Variants in GCFC2 observed in about 807,000 individuals in gnomAD.
GCFC2 encodes intron Large complex component GCFC2.
Under a neutral mutation model 99.4 loss-of-function variants are expected in GCFC2, and 102 were observed. The ratio of observed to expected loss-of-function variants is 1.03; its 90% CI spans 0.87 to 1.21. GCFC2 has a LOEUF of 1.21. Ranked by LOEUF, GCFC2 falls within the 50% of genes most tolerant of loss-of-function variation. The probability of loss-of-function intolerance (pLI) is 0.00; values close to 1 mark genes in which losing one functional copy is unlikely to be tolerated. For synonymous variants in GCFC2, 338 were observed against 316.8 expected, an observed-to-expected ratio of 1.07 and a Z score of -0.71; for missense variants, 973 against 920.9, an observed-to-expected ratio of 1.06 and a Z score of -0.73.
At position 75,701,252 on chromosome 2, in the gene GCFC2, C is replaced by G; in HGVS notation, c.655G>C (p.Glu219Gln). The stretch of plus-strand genomic sequence containing the variant: ...TCCCAAGTATCTTGCTTTTCATCTT[C>G]CTGACTTTCTTCACTTGTTTCTTCA... Reference protein sequence around the residue: ...RNEETSEESQEDEKQDTWEQQ... With the variant: ...RNEETSEESQQDEKQDTWEQQ... Residue 219 changes from glutamate to glutamine, a missense_variant, in exon 4 of 17, where the codon GAA becomes CAA. Transcript: ENST00000321027. 1.2e-6 allele frequency: 2 copies of G among 1,608,752 alleles called. No homozygotes were observed. The highest frequency in any genetic ancestry group is 1.7e-6 in the Non-Finnish European group (2 of 1,175,162).
chr2:75,710,062 A>G (rs918552303), intron 1 of GCFC2, among the ~76,000 whole-genome samples: 3 of 152,206 alleles, frequency 2.0e-5, no homozygotes, highest in Non-Finnish European at 2.9e-5. Flanking sequence ...AATCTCTATC[A>G]TGCTTCTTTG....
chr2:75,688,298 T>A (rs931748899), intron 10 of GCFC2, among the ~76,000 whole-genome samples: 2 of 152,208 alleles, frequency 1.3e-5, no homozygotes, highest in Non-Finnish European at 2.9e-5. Context: ...TACAAATTTG[T>A]TAGGCACTTG....
intron 15 of GCFC2, among the ~76,000 whole-genome samples, chr2:75,667,579 T>C (rs897774558): frequency 2.0e-5 from 3 of 152,240 alleles, no homozygotes; most frequent in Non-Finnish European, 4.4e-5. Context: ...CTACAAGTTT[T>C]GTTATGTAAA....
At chr2:75,686,302 C>T (rs1017596264) in intron 11 of GCFC2, among the ~76,000 whole-genome samples, 2 of 152,008 alleles carry the variant, frequency 1.3e-5, no homozygotes, top group African/African-American at 4.8e-5. Context: ...GGTTTCACCT[C>T]GTTGCCAAGG....
At chr2:75,680,046 C>G in intron 12 of GCFC2, 147 bp downstream of exon 12, 1 of 596,700 alleles carries the variant, frequency 1.7e-6, no homozygotes, top group Non-Finnish European at 2.7e-6. Context: ...GAGAAAAAGT[C>G]TAGTTTCTAT....
At chr2:75,677,592 T>A (rs1679401593) in intron 12 of GCFC2, among the ~76,000 whole-genome samples, 1 of 152,196 alleles carries the variant, frequency 6.6e-6, no homozygotes, top group African/African-American at 2.4e-5. Flanking sequence ...CAAATGCCAA[T>A]GTAGTGCTGA....
intron 13 of GCFC2, among the ~76,000 whole-genome samples, chr2:75,672,536 G>C (rs1679154221): frequency 6.6e-6 from 1 of 151,684 alleles, no homozygotes; most frequent in South Asian, 2.1e-4. Flanking sequence ...CCTCCATAAA[G>C]CTCCTCCATC....
intron 14 of GCFC2, 51 bp from the exon 15 acceptor site, chr2:75,670,335 T>A: frequency 8.0e-7 from 1 of 1,250,284 alleles, no homozygotes; most frequent in Non-Finnish European, 1.2e-6. Context: ...AGAGAAACTG[T>A]AATAGTCTCT....
Position 75,676,466 on chromosome 2 carries a change from C to CT in GCFC2, c.1813-2947dup, listed in dbSNP as rs111433157. 9.3e-3 allele frequency among the ~76,000 whole-genome samples: 1,379 copies of CT among 147,854 alleles called. 20 individuals carry two copies. The highest frequency in any genetic ancestry group is 0.023 in the African/African-American group (946 of 40,260). The stretch of plus-strand genomic sequence containing the variant: ...TCTAGATTTTAAGATGAATATCATA[C>CT]TTTTTTTTTTTTTACATCTTCTCTT... On this transcript the variant is annotated intron_variant, in intron 12 of 16. Coordinates refer to ENST00000321027, the MANE Select transcript of GCFC2 (RefSeq NM_003203.5).
chr2:75,711,133 C>G, upstream of GCFC2: 1 of 1,243,040 alleles, frequency 8.0e-7, no homozygotes, highest in Non-Finnish European at 1.0e-6. Flanking sequence ...ACGGCCTATC[C>G]GGTCTGAGTC....
chr2:75,690,581 T>C (rs906520293), intron 8 of GCFC2, 57 bp downstream of exon 8: 2 of 789,406 alleles, frequency 2.5e-6, no homozygotes, highest in Non-Finnish European at 4.4e-6. Flanking sequence ...TATATTTCAG[T>C]AGTGAAAAGT....
intron 11 of GCFC2, among the ~76,000 whole-genome samples, chr2:75,681,129 G>A (rs1050188644): frequency 1.3e-5 from 2 of 152,312 alleles, no homozygotes; most frequent in Admixed American, 1.3e-4. Flanking sequence ...CTCAGTGTAA[G>A]GAGGCTGCCA....
At chr2:75,709,649 A>G (rs1364066544) in intron 1 of GCFC2, among the ~76,000 whole-genome samples, 2 of 152,216 alleles carry the variant, frequency 1.3e-5, no homozygotes, top group African/African-American at 2.4e-5. Flanking sequence ...ACTAAAATTA[A>G]TAACAATGCA....
At position 75,663,523 on chromosome 2, in the gene GCFC2, T is replaced by G. The variant is rs1370529733; in HGVS notation, c.*1143A>C. The G allele has an allele frequency of 6.6e-6, 1 of 152,138 alleles. No homozygotes were observed. The highest frequency in any genetic ancestry group is 1.5e-5 in the Non-Finnish European group (1 of 68,012). 9.4% of individuals were successfully genotyped at this position (152,138 alleles called of 1,614,324 possible). On this transcript the variant is annotated 3_prime_UTR_variant, in exon 17 of 17. Coordinates refer to ENST00000321027, the MANE Select transcript of GCFC2 (RefSeq NM_003203.5). The stretch of plus-strand genomic sequence containing the variant: ...ATGACAAAAAAACAAAATAGTAACT[T>G]GCTAATAAGTAATGACTTAATGCTT...
intron 11 of GCFC2, among the ~76,000 whole-genome samples, chr2:75,683,378 AC>A (rs1316870503): frequency 6.6e-6 from 1 of 151,904 alleles, no homozygotes; most frequent in African/African-American, 2.4e-5. Context: ...AAAATCCTTT[AC>A]AGACAAGCAA....
intron 2 of GCFC2, among the ~76,000 whole-genome samples, chr2:75,704,055 C>T (rs181808015): frequency 5.3e-5 from 8 of 152,254 alleles, no homozygotes; most frequent in African/African-American, 1.7e-4. Context: ...TTGCGTTTGT[C>T]CTGTTTCTGC....
chr2:75,684,065 A>G, intron 11 of GCFC2, among the ~76,000 whole-genome samples: 1 of 152,210 alleles, frequency 6.6e-6, no homozygotes, highest in Non-Finnish European at 1.5e-5. Flanking sequence ...TAACAGACAG[A>G]TCAATGAAAC....
chr2:75,665,881 A>C (rs930707203), intron 16 of GCFC2, 48 bp downstream of exon 16: 1 of 1,296,078 alleles, frequency 7.7e-7, no homozygotes, highest in Non-Finnish European at 1.1e-6. Context: ...GAGAGCATAC[A>C]GAATCCATGA....
Position 75,680,300 on chromosome 2 carries a change from G to A in GCFC2, c.1705C>T (p.Leu569Phe), listed in dbSNP as rs1417963915. 2 of 1,609,682 alleles carry A rather than the reference G, an allele frequency of 1.2e-6. No homozygotes were observed. The highest frequency in any genetic ancestry group is 1.7e-6 in the Non-Finnish European group (2 of 1,176,800). The change falls in exon 12 of 17, where the codon CTT becomes TTT. Residue 569 changes from leucine to phenylalanine, a missense_variant. Physicochemically the swap from Leu to Phe is conservative, Grantham distance 22. Transcript: ENST00000321027. ...TGTGAGGTTGACAAAGGATCCCAAA[G>A]GAATTCTACAAAGTCTGAAACAAAT... ...IPRLTDFVEF[L>F]WDPLSTSQTT...
Sources: gnomAD v4.1 joint callset for allele counts (sites outside exome capture counted in the v4.1 genomes callset) on GRCh38, gnomAD v4.1.1 for gene constraint, MANE v1.5 for transcripts, NCBI Gene and HGNC (gene_info 2026-07-23, HGNC 2026-07-21) for gene names.